Variants in BMPR2 observed in about 807,000 individuals in gnomAD.
BMPR2 encodes the protein bone morphogenetic protein receptor type-2.
BMPR2 carries 29 observed loss-of-function variants against 100.8 expected under a neutral mutation model. The ratio of observed to expected loss-of-function variants is 0.29; its 90% CI spans 0.21 to 0.39. The LOEUF is 0.39. BMPR2 is among the 10% of genes least tolerant of loss of function. BMPR2 has a pLI of 1.00. For missense variants in BMPR2, 1,011 were observed against 1,274.5 expected (o/e 0.79, Z 3.15); for synonymous variants, 382 against 442.3 (o/e 0.86, Z 1.71).
At chr2:202,531,930 A>ATTTTTTTTT (rs71035015) in intron 8 of BMPR2, among the ~76,000 whole-genome samples, 1 of 52,294 alleles carries the variant, frequency 1.9e-5, no homozygotes, top group Non-Finnish European at 3.2e-5. Context: ...GCCCAGCTGT[A>ATTTTTTTTT]TTTTTTTTTT....
At chr2:202,515,646 T>C (rs1166008006) in intron 5 of BMPR2, among the ~76,000 whole-genome samples, 1 of 151,572 alleles carries the variant, frequency 6.6e-6, no homozygotes, top group African/African-American at 2.4e-5. Flanking sequence ...TCCTATCACT[T>C]TGGGAGGCTG....
At chr2:202,537,459 G>A (rs1688182061) in intron 9 of BMPR2, among the ~76,000 whole-genome samples, 1 of 152,100 alleles carries the variant, frequency 6.6e-6, no homozygotes, top group Non-Finnish European at 1.5e-5. Context: ...GATTATTTTA[G>A]CAAATATGTA....
At chr2:202,556,684 C>T (rs1688578810) in intron 12 of BMPR2, among the ~76,000 whole-genome samples, 153 bp downstream of exon 12, 1 of 152,174 alleles carries the variant, frequency 6.6e-6, no homozygotes, top group Non-Finnish European at 1.5e-5. Context: ...CAGTGGCTCA[C>T]ACCTGTAATC....
At chr2:202,540,198 A>C (rs1362438065) in intron 9 of BMPR2, among the ~76,000 whole-genome samples, 4 of 152,176 alleles carry the variant, frequency 2.6e-5, no homozygotes, top group African/African-American at 7.2e-5. Flanking sequence ...AAAGAGTGAA[A>C]TTGTGAATTT....
chr2:202,549,746 CAAA>C (rs34226687), intron 10 of BMPR2, among the ~76,000 whole-genome samples: 4 of 119,468 alleles, frequency 3.3e-5, no homozygotes, highest in Admixed American at 8.5e-5. Context: ...GACTCTGTCT[CAAA>C]AAAAAAAAAA....
rs1423689359 is a variant in BMPR2 at position 202,505,419 on chromosome 2, A to G, written c.419-8300A>G. On this transcript the variant is annotated intron_variant, in intron 3 of 12. Coordinates refer to ENST00000374580, the MANE Select transcript of BMPR2 (RefSeq NM_001204.7). ...CTTCTAGGCCGCAGTGTAGTGGCGCAATCATAGTTCACTGCAGCCTGCAAC... is the reference window on the plus strand; with the variant it reads ...CTTCTAGGCCGCAGTGTAGTGGCGCGATCATAGTTCACTGCAGCCTGCAAC... The G allele has an allele frequency of 2.7e-5, 4 of 150,228 alleles. No homozygotes were observed. In the East Asian group the frequency reaches 7.8e-4, roughly 29 times the overall value. 9.3% of individuals were successfully genotyped at this position (150,228 alleles called of 1,614,324 possible).
In BMPR2 at chr2:202,503,254, C is replaced by T. The variant is rs886857056; in HGVS notation, c.419-10465C>T. Among the ~76,000 whole-genome samples, 8 of 152,260 alleles carry T rather than the reference C, an allele frequency of 5.3e-5. No individual in the cohort carries two copies. The highest frequency in any genetic ancestry group is 7.2e-5 in the African/African-American group (3 of 41,478). On this transcript the variant is annotated intron_variant, in intron 3 of 12. Coordinates refer to ENST00000374580, the MANE Select transcript of BMPR2 (RefSeq NM_001204.7). The surrounding 1 kb of genome is among the most constrained non-coding windows in gnomAD (Gnocchi z 4.0). ...CCTCACAGCCCTCGCTCACTCTCAG[C>T]GCCTCTGCCTGGGCTCCCACTTTGG...
At chr2:202,457,072 A>G (rs544146238) in intron 1 of BMPR2, among the ~76,000 whole-genome samples, 5 of 152,192 alleles carry the variant, frequency 3.3e-5, no homozygotes, top group African/African-American at 1.2e-4. Flanking sequence ...CCAATAACCC[A>G]TATACTATTG....
intron 3 of BMPR2, among the ~76,000 whole-genome samples, chr2:202,492,851 A>G (rs1443625433): frequency 6.6e-6 from 1 of 152,116 alleles, no homozygotes; most frequent in African/African-American, 2.4e-5. Context: ...CCAAATATCT[A>G]TCTTGTTTTC....
intron 11 of BMPR2, among the ~76,000 whole-genome samples, chr2:202,553,445 A>G (rs1459177984): frequency 1.3e-5 from 2 of 152,230 alleles, no homozygotes; most frequent in East Asian, 3.9e-4. Context: ...CTTTGTTAGA[A>G]CTATGATTTT....
intron 1 of BMPR2, among the ~76,000 whole-genome samples, chr2:202,410,775 T>G (rs944040463): frequency 6.6e-6 from 1 of 152,088 alleles, no homozygotes; most frequent in African/African-American, 2.4e-5. Context: ...GAGATGGGGT[T>G]TCACTGTGTT....
intron 8 of BMPR2, among the ~76,000 whole-genome samples, chr2:202,531,606 A>G (rs1382169392): frequency 6.6e-6 from 1 of 152,136 alleles, no homozygotes; most frequent in South Asian, 2.1e-4. Context: ...CACAACATAT[A>G]TGTATTTTTG....
chr2:202,556,972 G>A lies in BMPR2; in HGVS notation c.2866+441G>A, dbSNP rs566437159. On this transcript the variant is annotated intron_variant, in intron 12 of 12. Transcript: ENST00000374580. The stretch of plus-strand genomic sequence containing the variant: ...GTGGCGTGCACCTGTAATCCCAGCC[G>A]AGATCACGACACTTCACTCTAGCCT... Among the ~76,000 whole-genome samples the A allele has an allele frequency of 1.9e-4, 28 of 150,196 alleles. No homozygotes were observed. In the South Asian group the frequency reaches 3.4e-3, roughly 18 times the overall value.
intron 1 of BMPR2, among the ~76,000 whole-genome samples, chr2:202,451,890 C>T (rs1691994664): frequency 6.6e-6 from 1 of 151,930 alleles, no homozygotes; most frequent in South Asian, 2.1e-4. Flanking sequence ...GCTGGGATTA[C>T]AGTCATGAGC....
rs756724537 is a variant in BMPR2 at position 202,552,740 on chromosome 2, A to G, written c.1438A>G (p.Ile480Val). Reference protein sequence around the residue: ...SLAVRSLKETIEDCWDQDAEA... With the variant: ...SLAVRSLKETVEDCWDQDAEA... ...GGCAGTGAGGTCACTCAAGGAGACA[A>G]TCGAAGACTGTTGGGACCAGGATGC... Residue 480 changes from isoleucine (I) to valine (V), a missense_variant, in exon 11 of 13, where the codon ATC becomes GTC. This residue lies in a region of BMPR2 where 83 missense variants were observed against 140.7 expected (regional missense o/e 0.59). Coordinates refer to ENST00000374580, the MANE Select transcript of BMPR2 (RefSeq NM_001204.7). The G allele has an allele frequency of 1.2e-6, 2 of 1,614,132 alleles. No individual in the cohort carries two copies. Among genetic ancestry groups the G allele is most frequent in the Admixed American group, 1.7e-5 (1 of 60,016 alleles).
intron 1 of BMPR2, among the ~76,000 whole-genome samples, chr2:202,456,603 C>T (rs1308788582): frequency 6.6e-6 from 1 of 151,478 alleles, no homozygotes; most frequent in East Asian, 1.9e-4. Flanking sequence ...CAACCTCTGC[C>T]TCCTGAGTTC....
rs1426515288 is a variant in BMPR2 at position 202,396,810 on chromosome 2, ACGGAGTTT to A, written c.76+19271_76+19278del. 2.1e-3 allele frequency among the ~76,000 whole-genome samples: 326 copies of A among 151,876 alleles called. 3 individuals carry two copies. The highest frequency in any genetic ancestry group is 4.7e-4 in the Non-Finnish European group (32 of 67,926). On this transcript the variant is annotated intron_variant, in intron 1 of 12. Transcript: ENST00000374580. The stretch of plus-strand genomic sequence containing the variant: ...GCAAGAAACTATTTTTTTTTTTGAA[ACGGAGTTT>A]CGGAGTTTCGCTCTTCTTGCCCAGG...
chr2:202,539,761 C>A (rs1488007887), intron 9 of BMPR2, among the ~76,000 whole-genome samples: 1 of 151,682 alleles, frequency 6.6e-6, no homozygotes, highest in Non-Finnish European at 1.5e-5. Flanking sequence ...GAGAAGGGAG[C>A]TAAAAAAAGG....
intron 3 of BMPR2, among the ~76,000 whole-genome samples, chr2:202,505,547 G>C (rs897609802): frequency 6.6e-6 from 1 of 151,946 alleles, no homozygotes. Context: ...GTAACCACTT[G>C]CTTACTGGAT....
Sources: allele counts gnomAD v4.1 joint callset (sites outside exome capture counted in the v4.1 genomes callset), GRCh38; gene constraint gnomAD v4.1.1; regional missense constraint gnomAD v4.1.1; non-coding constraint Gnocchi (gnomAD v3.1); transcripts MANE v1.5; gene names NCBI Gene and HGNC (gene_info 2026-07-23, HGNC 2026-07-21).